CD1B: variants seen among roughly 807,000 people sequenced by gnomAD.
CD1B encodes the protein CD1b molecule, also known as T-cell surface glycoprotein CD1b.
Under a neutral mutation model 39.8 loss-of-function variants are expected in CD1B, and 43 were observed. The ratio of observed to expected loss-of-function variants is 1.08; its 90% confidence interval spans 0.85 to 1.39. The LOEUF is 1.39. CD1B is among the 40% of genes most tolerant of loss of function. The pLI is 0.00. For synonymous variants in CD1B, 192 were observed against 152.5 expected, an observed-to-expected ratio of 1.26 and a Z score of -1.91; for missense variants, 495 against 403.8, an observed-to-expected ratio of 1.23 and a Z score of -1.94.
the CD1B span, chr1:158,291,102 C>A: frequency 3.4e-6 from 5 of 1,476,682 alleles, no homozygotes; most frequent in South Asian, 1.4e-5. Flanking sequence ...TTTTTTTTTT[C>A]CTTACACTAC....
chr1:158,310,921 T>C, the CD1B span, among the ~76,000 whole-genome samples: 2 of 152,140 alleles, frequency 1.3e-5, no homozygotes, highest in Admixed American at 1.3e-4. Context: ...CTCAAAGAAC[T>C]TAAAACAGAA....
the CD1B span, chr1:158,292,498 A>C: frequency 1.3e-6 from 2 of 1,493,036 alleles, no homozygotes; most frequent in East Asian, 4.5e-5. Flanking sequence ...TCTTAGAGGC[A>C]GGAAAAAGAT....
the CD1B span, among the ~76,000 whole-genome samples, chr1:158,316,357 T>G: frequency 2.0e-5 from 3 of 151,912 alleles, no homozygotes; most frequent in African/African-American, 4.9e-5. Context: ...TAGTTCTCCT[T>G]GAAGAGGTCC....
intron 5 of CD1B, 77 bp from the exon 6 acceptor site, chr1:158,328,334 G>C (rs1652437008): frequency 8.0e-7 from 1 of 1,255,570 alleles, no homozygotes; most frequent in Non-Finnish European, 1.1e-6. Flanking sequence ...TATTATTCAT[G>C]ATAGTTAAAA....
chr1:158,287,739 A>G, the CD1B span, among the ~76,000 whole-genome samples: 1 of 152,248 alleles, frequency 6.6e-6, no homozygotes, highest in Non-Finnish European at 1.5e-5. Flanking sequence ...ATATTATCCA[A>G]TATAGCTAGG....
chr1:158,299,917 C>T, the CD1B span, among the ~76,000 whole-genome samples: 1,870 of 151,966 alleles, frequency 0.012, 38 homozygotes, highest in African/African-American at 0.04. Flanking sequence ...ATCAATTTTG[C>T]TGATCTTTTC....
At chr1:158,310,386 T>C in the CD1B span, among the ~76,000 whole-genome samples, 1 of 152,136 alleles carries the variant, frequency 6.6e-6, no homozygotes. Flanking sequence ...ACCTGTGAAA[T>C]TCCATTCTGG....
At chr1:158,312,395 C>T in the CD1B span, among the ~76,000 whole-genome samples, 1 of 152,206 alleles carries the variant, frequency 6.6e-6, no homozygotes, top group Non-Finnish European at 1.5e-5. Flanking sequence ...GAGGCCACCC[C>T]AGCTACGTGG....
the CD1B span, among the ~76,000 whole-genome samples, chr1:158,304,026 C>T: frequency 9.3e-4 from 142 of 152,154 alleles, no homozygotes; most frequent in Non-Finnish European, 1.3e-3. Flanking sequence ...ACACAGAAGA[C>T]GGGTGATTTC....
the CD1B span, among the ~76,000 whole-genome samples, chr1:158,308,410 G>A: frequency 6.6e-6 from 1 of 152,148 alleles, no homozygotes; most frequent in South Asian, 2.1e-4. Context: ...TACTGCCCAA[G>A]GTAATTTGTA....
the CD1B span, among the ~76,000 whole-genome samples, chr1:158,313,184 C>A: frequency 1.3e-5 from 2 of 152,112 alleles, no homozygotes; most frequent in East Asian, 1.9e-4. Context: ...TCCTTGCATC[C>A]CTGGAATGAA....
intron 2 of CD1B, 65 bp from the exon 3 acceptor site, chr1:158,330,195 A>C (rs187696108): frequency 7.4e-5 from 108 of 1,456,844 alleles, no homozygotes; most frequent in Non-Finnish European, 9.3e-5. Context: ...TGAGAAAAGA[A>C]CCTAGGATTT....
chr1:158,330,180 A>T, intron 2 of CD1B, 50 bp from the exon 3 acceptor site: 1 of 1,516,492 alleles, frequency 6.6e-7, no homozygotes, highest in Non-Finnish European at 8.9e-7. Flanking sequence ...TAAGAAAAAA[A>T]GGCATGAGAA....
chr1:158,300,624 C>T, the CD1B span, among the ~76,000 whole-genome samples: 4 of 151,922 alleles, frequency 2.6e-5, no homozygotes, highest in South Asian at 2.1e-4. Context: ...TAAGTCTCTT[C>T]GTAGGTCTGT....
At chr1:158,306,408 A>T in the CD1B span, among the ~76,000 whole-genome samples, 48,320 of 152,070 alleles carry the variant, frequency 0.32, 8,211 homozygotes, top group African/African-American at 0.43. Context: ...CACCCAATAC[A>T]GGAGCACCCA....
chr1:158,300,248 G>T, the CD1B span, among the ~76,000 whole-genome samples: 1 of 152,128 alleles, frequency 6.6e-6, no homozygotes. Context: ...TATTTACCAA[G>T]TAGTCATTCA....
the CD1B span, among the ~76,000 whole-genome samples, chr1:158,321,237 C>T: frequency 6.6e-6 from 1 of 152,080 alleles, no homozygotes; most frequent in Non-Finnish European, 1.5e-5. Context: ...TCTGTATTTA[C>T]CCCTGTATCA....
At chr1:158,304,655 G>C in the CD1B span, among the ~76,000 whole-genome samples, 1,755 of 152,294 alleles carry the variant, frequency 0.012, 34 homozygotes, top group African/African-American at 0.04. Flanking sequence ...GTGGGTCACT[G>C]ATGCCCAAGT....
the CD1B span, among the ~76,000 whole-genome samples, chr1:158,314,911 G>A: frequency 3.4e-5 from 5 of 147,936 alleles, no homozygotes; most frequent in Admixed American, 6.8e-5. Flanking sequence ...GCGGTGTTTG[G>A]TTTTTTGTTC....
Sources: gnomAD v4.1 joint callset for allele counts (sites outside exome capture counted in the v4.1 genomes callset) on GRCh38, gnomAD v4.1.1 for gene constraint, MANE v1.5 for transcripts, NCBI Gene and HGNC (gene_info 2026-07-23, HGNC 2026-07-21) for gene names.